The following LRRIQ3 variants were observed in gnomAD, a reference collection of about 807,000 sequenced individuals.
LRRIQ3 encodes leucine rich repeats and IQ motif containing 3, also known as leucine-rich repeat and IQ domain-containing protein 3.
In LRRIQ3, 75 loss-of-function variants were observed where a neutral mutation model predicts 59.3. That is an observed-to-expected ratio of 1.26 (90% confidence interval 1.05 to 1.53). LRRIQ3 has a LOEUF of 1.53. Ranked by LOEUF, LRRIQ3 falls within the 40% of genes most tolerant of loss-of-function variation. LRRIQ3 has a pLI of 0.00. For missense variants in LRRIQ3, 831 were observed against 710.0 expected, an observed-to-expected ratio of 1.17 and a Z score of -1.94; for synonymous variants, 250 against 231.3, an observed-to-expected ratio of 1.08 and a Z score of -0.73.
intron 5 of LRRIQ3, among the ~76,000 whole-genome samples, chr1:74,093,309 T>C (rs1194507824): frequency 1.3e-5 from 2 of 152,024 alleles, no homozygotes; most frequent in East Asian, 1.9e-4. Flanking sequence ...AGGGAAAATA[T>C]AGGAGATTTT....
intron 6 of LRRIQ3, among the ~76,000 whole-genome samples, chr1:74,047,535 T>C (rs974525019): frequency 6.6e-6 from 1 of 151,946 alleles, no homozygotes; most frequent in African/African-American, 2.4e-5. Flanking sequence ...GGCACGTGTA[T>C]ACCTATGGAA....
At chr1:74,127,508 C>T (rs1284334242) in intron 4 of LRRIQ3, among the ~76,000 whole-genome samples, 1 of 151,622 alleles carries the variant, frequency 6.6e-6, no homozygotes, top group Non-Finnish European at 1.5e-5. Flanking sequence ...TTTGAAGATA[C>T]CATGACCCTT....
At chr1:74,027,073 G>T in intron 7 of LRRIQ3, 104 bp from the exon 8 acceptor site, 1 of 727,512 alleles carries the variant, frequency 1.4e-6, no homozygotes. Context: ...TTCGAAATAG[G>T]CATATACAAG....
chr1:74,142,195 C>T (rs1647289345), intron 4 of LRRIQ3, among the ~76,000 whole-genome samples: 2 of 151,824 alleles, frequency 1.3e-5, no homozygotes, highest in African/African-American at 2.4e-5. Flanking sequence ...TATGGTAGTA[C>T]TATTTTAAGT....
At chr1:74,157,284 C>T (rs947548444) in intron 3 of LRRIQ3, among the ~76,000 whole-genome samples, 2 of 152,134 alleles carry the variant, frequency 1.3e-5, no homozygotes, top group South Asian at 2.1e-4. Flanking sequence ...GTAAATTTAA[C>T]TATATTCCTA....
At chr1:74,151,300 A>G (rs1411291170) in intron 4 of LRRIQ3, among the ~76,000 whole-genome samples, 3 of 151,916 alleles carry the variant, frequency 2.0e-5, no homozygotes, top group South Asian at 2.1e-4. Flanking sequence ...TGTAAACACT[A>G]CTTTTTAAAG....
Position 74,041,819 on chromosome 1 carries a change from C to G in LRRIQ3, c.1112G>C (p.Arg371Thr), listed in dbSNP as rs1172798139. The change falls in exon 7 of 8, where the codon AGA becomes ACA. Residue 371 changes from arginine to threonine, a missense_variant. By Grantham distance (71) the Arg-to-Thr change is moderately conservative. Transcript: ENST00000354431. ...SGSLKNNAVL[R>T]EKKQHFFPAY... ...AGGAAAAAAATGTTGTTTTTTCTCT[C>G]TCAATACTGCATTATTCTTCAATGA... 6.2e-7 allele frequency: 1 copy of G among 1,613,354 alleles called. No individual in the cohort carries two copies. Among genetic ancestry groups the G allele is most frequent in the Non-Finnish European group, 8.5e-7 (1 of 1,179,724 alleles).
intron 3 of LRRIQ3, chr1:74,180,696 G>C (rs758591000): frequency 2.3e-5 from 35 of 1,547,636 alleles, no homozygotes; most frequent in Non-Finnish European, 3.1e-5. Flanking sequence ...CTGCAGACTT[G>C]TTGAAATCCC....
At chr1:74,095,366 T>A (rs941342970) in intron 5 of LRRIQ3, among the ~76,000 whole-genome samples, 8 of 152,174 alleles carry the variant, frequency 5.3e-5, no homozygotes, top group African/African-American at 1.9e-4. Flanking sequence ...CAATTCTAAC[T>A]ATTGCATTCT....
intron 5 of LRRIQ3, among the ~76,000 whole-genome samples, chr1:74,087,759 AT>A (rs1457169458): frequency 6.6e-6 from 1 of 152,062 alleles, no homozygotes; most frequent in Non-Finnish European, 1.5e-5. Context: ...TATTTGCATT[AT>A]ACTGTGTGGC....
At chr1:74,046,418 C>G (rs1298060588) in intron 6 of LRRIQ3, among the ~76,000 whole-genome samples, 2 of 152,104 alleles carry the variant, frequency 1.3e-5, no homozygotes, top group Non-Finnish European at 2.9e-5. Context: ...CTAGCTGAAA[C>G]TGGATCCCTA....
At chr1:74,157,299 T>C (rs1205417289) in intron 3 of LRRIQ3, among the ~76,000 whole-genome samples, 6 of 152,106 alleles carry the variant, frequency 3.9e-5, no homozygotes, top group Non-Finnish European at 7.4e-5. Context: ...TTCCTATCTA[T>C]ACTGAGTAGA....
chr1:74,041,125 C>T (rs1423863624), intron 7 of LRRIQ3, 88 bp downstream of exon 7: 1 of 1,058,212 alleles, frequency 9.4e-7, no homozygotes, highest in African/African-American at 1.6e-5. Flanking sequence ...TTACAAACAG[C>T]ATACTAATTA....
At chr1:74,030,193 C>T (rs1268025308) in intron 7 of LRRIQ3, among the ~76,000 whole-genome samples, 1 of 151,960 alleles carries the variant, frequency 6.6e-6, no homozygotes, top group Non-Finnish European at 1.5e-5. Context: ...GGTCATATTG[C>T]CCAAGGTAAT....
intron 1 of LRRIQ3, among the ~76,000 whole-genome samples, chr1:74,197,760 A>T (rs1424204677): frequency 6.6e-6 from 1 of 152,156 alleles, no homozygotes; most frequent in Non-Finnish European, 1.5e-5. Context: ...TTAAATATTC[A>T]GACTGTGTAT....
chr1:74,134,977 A>G (rs963452298), intron 4 of LRRIQ3, among the ~76,000 whole-genome samples: 2 of 151,982 alleles, frequency 1.3e-5, no homozygotes, highest in African/African-American at 4.8e-5. Context: ...AAAAATAGCA[A>G]AACGTAAGTT....
intron 6 of LRRIQ3, among the ~76,000 whole-genome samples, chr1:74,044,865 G>T (rs1004992449): frequency 2.6e-5 from 4 of 151,914 alleles, no homozygotes; most frequent in African/African-American, 7.2e-5. Flanking sequence ...AATCTAGAAG[G>T]AATGGATAAA....
At chr1:74,032,389 G>T (rs1324602109) in intron 7 of LRRIQ3, among the ~76,000 whole-genome samples, 1 of 151,930 alleles carries the variant, frequency 6.6e-6, no homozygotes, top group Non-Finnish European at 1.5e-5. Flanking sequence ...GCACATTGTG[G>T]CTAGTTGGGT....
chr1:74,118,744 A>T (rs1646811974), intron 4 of LRRIQ3, among the ~76,000 whole-genome samples: 1 of 152,156 alleles, frequency 6.6e-6, no homozygotes, highest in African/African-American at 2.4e-5. Flanking sequence ...ATTGGCTCAC[A>T]CAATTGTGGA....
Sources: allele counts gnomAD v4.1 joint callset (sites outside exome capture counted in the v4.1 genomes callset), GRCh38; gene constraint gnomAD v4.1.1; transcripts MANE v1.5; gene names NCBI Gene and HGNC (gene_info 2026-07-23, HGNC 2026-07-21).